ATXN7: variants seen among roughly 807,000 people sequenced by gnomAD.
ATXN7 encodes ataxin-7.
A neutral mutation model predicts 70.5 loss-of-function variants in ATXN7; 12 were observed. That is an observed-to-expected ratio of 0.17 (90% CI 0.11 to 0.28). The LOEUF is 0.28. Among genes scored for constraint, ATXN7 ranks in the 10% least tolerant of loss-of-function variants. The pLI is 1.00. For synonymous variants in ATXN7, 498 were observed against 448.7 expected, an observed-to-expected ratio of 1.11 and a Z score of -1.39; for missense variants, 1,256 against 1,131.7, an observed-to-expected ratio of 1.11 and a Z score of -1.58.
chr3:63,863,951 G>GCGC lies in ATXN7; in HGVS notation c.-293_-291dup, dbSNP rs1161401026. ...TCCGACGCCTGAGCCGCGCCGCGCC[G>GCGC]CGCCGCCGCCGCCGCCGCCGCCGCC... On this transcript the variant is annotated 5_prime_UTR_variant, in exon 1 of 13. Transcript: ENST00000674280. The GCGC allele has an allele frequency of 0.063, 5,094 of 81,256 alleles. 267 individuals carry two copies. The highest frequency in any genetic ancestry group is 0.17 in the African/African-American group (4,419 of 25,998). 5.0% of individuals were successfully genotyped at this position (81,256 alleles called of 1,614,324 possible). A position where few individuals can be genotyped will look rare whatever the true frequency, so the allele number is the denominator to read the frequency against.
intron 5 of ATXN7, among the ~76,000 whole-genome samples, chr3:63,954,716 T>TG (rs2075012990): frequency 4.0e-5 from 6 of 148,836 alleles, no homozygotes; most frequent in African/African-American, 1.5e-4. Flanking sequence ...TTTTTGTTTT[T>TG]TTTTTTTTTT....
At chr3:63,942,348 A>C (rs1279949879) in intron 4 of ATXN7, among the ~76,000 whole-genome samples, 1 of 152,198 alleles carries the variant, frequency 6.6e-6, no homozygotes, top group East Asian at 1.9e-4. Flanking sequence ...TGCTTTCTAT[A>C]AAGTAGGTTA....
chr3:63,968,327 A>T (rs2075259691), intron 5 of ATXN7: 2 of 222,558 alleles, frequency 9.0e-6, no homozygotes, highest in African/African-American at 4.5e-5. Flanking sequence ...GTTTGTTATT[A>T]ACTCCAACAA....
At chr3:63,899,333 A>G (rs997696760) in intron 2 of ATXN7, among the ~76,000 whole-genome samples, 3 of 151,746 alleles carry the variant, frequency 2.0e-5, no homozygotes, top group Admixed American at 6.6e-5. Flanking sequence ...AAGTGGTGGG[A>G]TTTCAGGCAT....
chr3:63,998,518 CACAG>C lies in ATXN7; in HGVS notation c.2662-927_2662-924del, dbSNP rs967490364. 2.5e-5 allele frequency: 25 copies of C among 985,186 alleles called. 1 individual carries two copies. The highest frequency in any genetic ancestry group is 1.0e-4 in the African/African-American group (6 of 57,188). The allele number at this position is 985,186 out of a possible 1,614,324, so 61.0% of individuals were successfully genotyped here. On this transcript the variant is annotated intron_variant, in intron 12 of 12. Coordinates refer to ENST00000674280, the MANE Select transcript of ATXN7 (RefSeq NM_001377405.1). ...GTGGCACTATGTCTTACTAGAACAA[CACAG>C]ACAGCCTAACTTTGGGCTTTTTCCT...
intron 2 of ATXN7, among the ~76,000 whole-genome samples, chr3:63,910,687 A>T (rs892016635): frequency 2.0e-5 from 3 of 152,234 alleles, no homozygotes; most frequent in African/African-American, 7.2e-5. Flanking sequence ...TTTTAAAATT[A>T]AATCTTTCCA....
In ATXN7 at chr3:63,939,444, C is replaced by T. The variant is rs1006479170; in HGVS notation, c.395-12935C>T. ...GCACCTCCCTTCCCCATACTATAGTCGAAGCAATGTTGAACATAATAATAA... is the reference window on the plus strand; with the variant it reads ...GCACCTCCCTTCCCCATACTATAGTTGAAGCAATGTTGAACATAATAATAA... On this transcript the variant is annotated intron_variant, in intron 4 of 12. Coordinates refer to ENST00000674280, the MANE Select transcript of ATXN7 (RefSeq NM_001377405.1). Among the ~76,000 whole-genome samples the T allele has an allele frequency of 3.9e-5, 6 of 152,196 alleles. No homozygotes were observed. The South Asian group carries it at 1.0e-3, about 26-fold the overall frequency.
chr3:63,998,754 A>G lies in ATXN7; in HGVS notation c.2662-696A>G, dbSNP rs147282980. On this transcript the variant is annotated intron_variant, in intron 12 of 12. Transcript: ENST00000674280. ...TCGTATAGCTTTCATAAGAATCTCA[A>G]AGGGACTCGTGACCCCAAAATGCTT... 615 of 936,062 alleles carry G rather than the reference A, an allele frequency of 6.6e-4. 3 individuals are homozygous for G. The African/African-American group carries it at 1.0e-2, about 15-fold the overall frequency. 58.0% of individuals were successfully genotyped at this position (936,062 alleles called of 1,614,324 possible). A position where few individuals can be genotyped will look rare whatever the true frequency, so the allele number is the denominator to read the frequency against.
chr3:63,987,525 T>G (rs190885338), intron 8 of ATXN7, among the ~76,000 whole-genome samples: 72 of 152,324 alleles, frequency 4.7e-4, no homozygotes, highest in African/African-American at 1.6e-3. Flanking sequence ...TGGGCCACTT[T>G]CTATTTTTGC....
intron 4 of ATXN7, among the ~76,000 whole-genome samples, chr3:63,948,116 C>T (rs1467617829): frequency 6.6e-6 from 1 of 152,124 alleles, no homozygotes; most frequent in African/African-American, 2.4e-5. Context: ...ACTTAGGGGA[C>T]TTCTTCCAGA....
At chr3:63,871,512 A>G (rs1218109410) in intron 1 of ATXN7, among the ~76,000 whole-genome samples, 1 of 152,214 alleles carries the variant, frequency 6.6e-6, no homozygotes, top group Non-Finnish European at 1.5e-5. Context: ...GCACAGATGT[A>G]TGTACCAGAT....
intron 4 of ATXN7, among the ~76,000 whole-genome samples, chr3:63,931,545 A>T (rs1704962137): frequency 6.6e-6 from 1 of 152,166 alleles, no homozygotes; most frequent in Admixed American, 6.5e-5. Context: ...CCCCTGGCTA[A>T]TGAGGCCGCT....
chr3:63,916,868 A>G (rs891676001), intron 4 of ATXN7, among the ~76,000 whole-genome samples: 1 of 151,980 alleles, frequency 6.6e-6, no homozygotes, highest in Admixed American at 6.6e-5. Context: ...AGCATGATTA[A>G]TTTTGGTGGG....
At position 63,942,026 on chromosome 3, in the gene ATXN7, A is replaced by G. The variant is rs578115276; in HGVS notation, c.395-10353A>G. Among the ~76,000 whole-genome samples, 4 of 152,314 alleles carry G rather than the reference A, an allele frequency of 2.6e-5. 1 individual carries two copies. In the South Asian group the frequency reaches 8.3e-4, roughly 32 times the overall value. ...CTCTGGTTTCTTAGAAATATATCCA[A>G]CAATGGAGCCGAGAGTCCTAGCATC... On this transcript the variant is annotated intron_variant, in intron 4 of 12. Transcript: ENST00000674280.
chr3:63,912,663 GAGCAGCGGCCGCGGCCGCCCGGC>G lies in ATXN7; in HGVS notation c.72_94del (p.Arg29AlafsTer52), dbSNP rs1559628976. 9.5e-7 allele frequency: 1 copy of G among 1,050,186 alleles called. No homozygotes were observed. Among genetic ancestry groups the G allele is most frequent in the Non-Finnish European group, 1.1e-6 (1 of 870,174 alleles). The allele number at this position is 1,050,186 out of a possible 1,614,324, so 65.1% of individuals were successfully genotyped here. A position where few individuals can be genotyped will look rare whatever the true frequency, so the allele number is the denominator to read the frequency against. On this transcript the variant is annotated frameshift_variant, in exon 3 of 13. Transcript: ENST00000674280. LOFTEE classifies it high-confidence loss of function. Reference sequence around the variant, plus strand: ...CGCCGCGCGGCGGCGGCGGCGGGCGGAGCAGCGGCCGCGGCCGCCCGGCAGCAGCAGCAGCAGCAGCAGCAGCA... The same window carrying G: ...CGCCGCGCGGCGGCGGCGGCGGGCGGAGCAGCAGCAGCAGCAGCAGCAGCA...
At chr3:63,991,835 G>C (rs1214942438) in intron 11 of ATXN7, among the ~76,000 whole-genome samples, 1 of 149,552 alleles carries the variant, frequency 6.7e-6, no homozygotes, top group Non-Finnish European at 1.5e-5. Flanking sequence ...AAAAAAAAAA[G>C]GTTCTGTTTT....
intron 11 of ATXN7, among the ~76,000 whole-genome samples, chr3:63,993,292 T>G (rs1226999777): frequency 2.7e-5 from 4 of 150,042 alleles, no homozygotes; most frequent in African/African-American, 9.8e-5. Flanking sequence ...TTTTTTTTTT[T>G]TTTTTACTTT....
At chr3:63,971,003 C>T (rs1308691337) in intron 5 of ATXN7, among the ~76,000 whole-genome samples, 1 of 152,206 alleles carries the variant, frequency 6.6e-6, no homozygotes, top group Non-Finnish European at 1.5e-5. Flanking sequence ...CTTTTCTGCA[C>T]TTTCCCGTTA....
Position 63,864,036 on chromosome 3 carries a change from G to A in ATXN7, c.-233G>A, listed in dbSNP as rs201652483. 6.9e-6 allele frequency: 1 copy of A among 145,128 alleles called. No individual in the cohort carries two copies. Among genetic ancestry groups the A allele is most frequent in the Non-Finnish European group, 1.5e-5 (1 of 65,798 alleles). 9.0% of individuals were successfully genotyped at this position (145,128 alleles called of 1,614,324 possible). A position where few individuals can be genotyped will look rare whatever the true frequency, so the allele number is the denominator to read the frequency against. On this transcript the variant is annotated 5_prime_UTR_variant, in exon 1 of 13. Transcript: ENST00000674280. Reference sequence around the variant, plus strand: ...CCGGGGGCGGCCGCGGCCGGCGCGAGTTGGGGCGAGGCTTGGCGGCCGGCG... The same window carrying A: ...CCGGGGGCGGCCGCGGCCGGCGCGAATTGGGGCGAGGCTTGGCGGCCGGCG...
Sources: allele counts gnomAD v4.1 joint callset (sites outside exome capture counted in the v4.1 genomes callset), GRCh38; gene constraint gnomAD v4.1.1; transcripts MANE v1.5; gene names NCBI Gene and HGNC (gene_info 2026-07-23, HGNC 2026-07-21).